The following MYOM2 variants were observed in gnomAD, a reference collection of about 807,000 sequenced individuals.
MYOM2 encodes the protein myomesin-2.
A neutral mutation model predicts 187.6 loss-of-function variants in MYOM2; 254 were observed. That is an observed-to-expected ratio of 1.35 (90% CI 1.22 to 1.50). The LOEUF is 1.50. MYOM2 is among the 40% of genes most tolerant of loss of function. The pLI is 0.00. For synonymous variants in MYOM2, 981 were observed against 753.8 expected (o/e 1.30, Z -4.94); for missense variants, 2,796 against 1,924.0 (o/e 1.45, Z -8.48).
intron 2 of MYOM2, among the ~76,000 whole-genome samples, chr8:2,051,260 A>T (rs918582491): frequency 1.3e-5 from 2 of 152,216 alleles, no homozygotes; most frequent in Non-Finnish European, 1.5e-5. Context: ...GTGGCAGAGT[A>T]AAGACAGAAT....
intron 32 of MYOM2, among the ~76,000 whole-genome samples, chr8:2,140,298 G>A (rs764862599): frequency 1.3e-5 from 2 of 149,834 alleles, no homozygotes; most frequent in African/African-American, 2.5e-5. Flanking sequence ...CGCTTGGGCT[G>A]CCTCCCCACC....
chr8:2,087,005 G>A (rs538858363), intron 14 of MYOM2, among the ~76,000 whole-genome samples: 34 of 152,088 alleles, frequency 2.2e-4, no homozygotes, highest in African/African-American at 5.8e-4. Flanking sequence ...CTGCCATCAC[G>A]TATATGTATG....
chr8:2,086,407 C>T (rs1353630998), intron 14 of MYOM2, among the ~76,000 whole-genome samples: 1,060 of 80,606 alleles, frequency 0.013, 161 homozygotes, highest in Non-Finnish European at 0.018. Context: ...GTGATCTCTG[C>T]GTGGCCTCCC....
chr8:2,059,569 C>A (rs1315559344), intron 6 of MYOM2, among the ~76,000 whole-genome samples: 1 of 151,982 alleles, frequency 6.6e-6, no homozygotes, highest in Non-Finnish European at 1.5e-5. Context: ...AGAAACACAC[C>A]CTAAGTTCAG....
Position 2,073,418 on chromosome 8 carries a change from C to A in MYOM2, c.1038C>A (p.His346Gln). The change falls in exon 10 of 37, where the codon CAC becomes CAA. Residue 346 changes from histidine to glutamine, a missense_variant. Coordinates refer to ENST00000262113, the MANE Select transcript of MYOM2 (RefSeq NM_003970.4). ...CCTCCCTGTCCTTCAGCCACCTGCA[C>A]AAGGACGACGAGGGCCTGTACACCC... ...GQASLSFSHL[H>Q]KDDEGLYTLR... is the part of the protein sequence containing the mutation. 6.2e-7 allele frequency: 1 copy of A among 1,613,204 alleles called. No individual in the cohort carries two copies. Among genetic ancestry groups the A allele is most frequent in the South Asian group, 1.1e-5 (1 of 90,938 alleles).
chr8:2,115,827 T>A (rs576742883), intron 25 of MYOM2, 133 bp from the exon 26 acceptor site: 156 of 1,000,720 alleles, frequency 1.6e-4, no homozygotes, highest in Admixed American at 2.9e-4. Context: ...GTTTCCTTGA[T>A]AAAATTTCAT....
chr8:2,061,227 G>A (rs1011421416), intron 6 of MYOM2, among the ~76,000 whole-genome samples: 1 of 151,948 alleles, frequency 6.6e-6, no homozygotes, highest in African/African-American at 2.4e-5. Flanking sequence ...TTTAGTGAGG[G>A]AGGGCGTCTC....
chr8:2,140,745 G>A lies in MYOM2; in HGVS notation c.3823G>A (p.Glu1275Lys). 1 of 1,614,032 alleles carries A rather than the reference G, an allele frequency of 6.2e-7. No homozygotes were observed. Among genetic ancestry groups the A allele is most frequent in the Non-Finnish European group, 8.5e-7 (1 of 1,179,970 alleles). The change falls in exon 33 of 37, where the codon GAG becomes AAG. Residue 1275 changes from glutamate (E) to lysine (K), a missense_variant. Glu to Lys is a moderately conservative substitution (Grantham distance 56). Transcript: ENST00000262113. ...CHKDAKISSS[E>K]HMRIGGSEEM... ...AAGAGATGCTAAGATCTCATCCAGT[G>A]AGCATATGAGAATCGGGGGGAGTGA...
rs1300206188 is a variant in MYOM2 at position 2,140,887 on chromosome 8, G to A, written c.3964+1G>A. On this transcript the variant is annotated splice_donor_variant, in intron 33 of 36. Transcript: ENST00000262113. LOFTEE classifies it high-confidence loss of function. ...CGCTCCCTTGACCTGTCCGGACAAG[G>A]TAAGAGAATTCTTCTTTAGCATTTA... The A allele has an allele frequency of 6.2e-7, 1 of 1,602,182 alleles. No individual in the cohort carries two copies. Among genetic ancestry groups the A allele is most frequent in the Non-Finnish European group, 8.5e-7 (1 of 1,173,436 alleles).
At chr8:2,137,320 G>C (rs1047052899) in intron 32 of MYOM2, among the ~76,000 whole-genome samples, 5 of 151,938 alleles carry the variant, frequency 3.3e-5, no homozygotes, top group Admixed American at 3.3e-4. Context: ...ACCAGCGACA[G>C]CACGAACAGA....
At chr8:2,086,466 C>T (rs1433779701) in intron 14 of MYOM2, among the ~76,000 whole-genome samples, 1 of 148,642 alleles carries the variant, frequency 6.7e-6, no homozygotes, top group African/African-American at 2.6e-5. Context: ...CTCCACGTGG[C>T]CACACACTGT....
At chr8:2,064,495 G>C (rs553531386) in intron 6 of MYOM2, among the ~76,000 whole-genome samples, 113 of 152,234 alleles carry the variant, frequency 7.4e-4, no homozygotes, top group African/African-American at 2.6e-3. Flanking sequence ...TTTCTTTACA[G>C]AAGGAAGGAG....
In MYOM2 at chr8:2,109,542, G is replaced by T; in HGVS notation, c.3180+11G>T. The T allele has an allele frequency of 6.2e-7, 1 of 1,603,220 alleles. No homozygotes were observed. The highest frequency in any genetic ancestry group is 1.7e-4 in the Middle Eastern group (1 of 6,010). ...GTCTCTGACAGCGAGGTGAGTTCCT[G>T]TGTGAGTGATCTCTGGCTTTGCAGG... On this transcript the variant is annotated intron_variant, in intron 25 of 36. Coordinates refer to ENST00000262113, the MANE Select transcript of MYOM2 (RefSeq NM_003970.4).
In MYOM2 at chr8:2,143,444, C is replaced by A; in HGVS notation, c.4068C>A (p.Ile1356=). Residue 1356 remains isoleucine (I), a synonymous_variant, in exon 36 of 37, where the codon ATC becomes ATA. Transcript: ENST00000262113. ...GCGGCTTGCCTGACGTGGTGACCAT[C>A]ATGGAAGGGAAGGTGAGGATTCTAA... ...LIGGLPDVVT[I]MEGKTLNLTC... is the part of the protein sequence containing the mutation. 2 of 1,614,024 alleles carry A rather than the reference C, an allele frequency of 1.2e-6. No individual in the cohort carries two copies. Among genetic ancestry groups the A allele is most frequent in the African/African-American group, 1.3e-5 (1 of 74,988 alleles).
Position 2,126,419 on chromosome 8 carries a change from TCAGA to T in MYOM2, c.3694+2205_3694+2208del, listed in dbSNP as rs200502142. ...CAGTCACACACACACGATTTCCCAC[TCAGA>T]CATACACACACACTGACACACACCA... On this transcript the variant is annotated intron_variant, in intron 31 of 36. Coordinates refer to ENST00000262113, the MANE Select transcript of MYOM2 (RefSeq NM_003970.4). Among the ~76,000 whole-genome samples the T allele has an allele frequency of 9.7e-3, 1,409 of 145,938 alleles. 22 individuals are homozygous for T. Among genetic ancestry groups the T allele is most frequent in the African/African-American group, 0.032 (1,294 of 40,004 alleles).
intron 13 of MYOM2, among the ~76,000 whole-genome samples, chr8:2,082,656 AT>A (rs1819668611): frequency 6.6e-6 from 1 of 152,140 alleles, no homozygotes. Flanking sequence ...TGGACACTGT[AT>A]TTTTGGAAAG....
chr8:2,120,659 T>TATATATATATATA (rs1797397850), intron 28 of MYOM2, among the ~76,000 whole-genome samples: 1 of 37,918 alleles, frequency 2.6e-5, no homozygotes, highest in Non-Finnish European at 4.3e-5. Flanking sequence ...TGATTTCCTG[T>TATATATATATATA]ATATATATAT....
At chr8:2,115,486 C>G (rs1797209398) in intron 25 of MYOM2, among the ~76,000 whole-genome samples, 1 of 152,122 alleles carries the variant, frequency 6.6e-6, no homozygotes, top group South Asian at 2.1e-4. Flanking sequence ...CACCTGAAAC[C>G]CCTGCACCCT....
intron 27 of MYOM2, among the ~76,000 whole-genome samples, chr8:2,116,621 A>G (rs563747924): frequency 1.3e-5 from 2 of 152,328 alleles, no homozygotes; most frequent in African/African-American, 4.8e-5. Context: ...TCTACTTAAG[A>G]TTGTGGGAGC....
Sources: gnomAD v4.1 joint callset for allele counts (sites outside exome capture counted in the v4.1 genomes callset) on GRCh38, gnomAD v4.1.1 for gene constraint, MANE v1.5 for transcripts, NCBI Gene and HGNC (gene_info 2026-07-23, HGNC 2026-07-21) for gene names.